Variants in FZD3 observed in about 807,000 individuals in gnomAD.
FZD3 encodes the protein frizzled-3.
In FZD3, 30 loss-of-function variants were observed where a neutral mutation model predicts 60.7. That is an observed-to-expected ratio of 0.49 (90% CI 0.37 to 0.67). The LOEUF is 0.67. Ranked by LOEUF, FZD3 falls within the 30% of genes least tolerant of loss-of-function variation. FZD3 has a pLI of 0.00. For missense variants in FZD3, 605 were observed against 838.7 expected (o/e 0.72, Z 3.44); for synonymous variants, 246 against 275.2 (o/e 0.89, Z 1.05).
chr8:28,550,961 C>T (rs2130456236), intron 5 of FZD3, among the ~76,000 whole-genome samples: 1 of 152,130 alleles, frequency 6.6e-6, no homozygotes, highest in East Asian at 1.9e-4. Context: ...ATCTTATTTT[C>T]ACATTACTCT....
intron 3 of FZD3, among the ~76,000 whole-genome samples, chr8:28,515,253 G>C (rs1319883342): frequency 1.3e-5 from 2 of 152,128 alleles, no homozygotes; most frequent in African/African-American, 2.4e-5. Context: ...GAATCCATAC[G>C]GGTCTGCAGC....
At chr8:28,540,936 C>A in intron 5 of FZD3, among the ~76,000 whole-genome samples, 1 of 151,960 alleles carries the variant, frequency 6.6e-6, no homozygotes, top group African/African-American at 2.4e-5. Flanking sequence ...ACAGAGTGAG[C>A]CCCTTTCAAT....
rs60608040 is a variant in FZD3, at chr8:28,502,090, C to G, written c.-344-580C>G. Among the ~76,000 whole-genome samples, 496 of 152,136 alleles carry G rather than the reference C, an allele frequency of 3.3e-3. 1 individual carries two copies. The highest frequency in any genetic ancestry group is 0.01 in the Middle Eastern group (3 of 294). On this transcript the variant is annotated intron_variant, in intron 2 of 7. Coordinates refer to ENST00000240093, the MANE Select transcript of FZD3 (RefSeq NM_017412.4). ...GATTCACTCATATCATCCCTGTGAG[C>G]TAGGTGGTATTGGAATCATTTTCAA...
In FZD3 at chr8:28,573,064, A is replaced by G. The variant is rs796826723; in HGVS notation, c.*10053A>G. 2.0e-5 allele frequency: 3 copies of G among 152,252 alleles called. No individual in the cohort carries two copies. Among genetic ancestry groups the G allele is most frequent in the South Asian group, 4.2e-4 (2 of 4,818 alleles). The allele number at this position is 152,252 out of a possible 1,614,324, so 9.4% of individuals were successfully genotyped here. ...GGAGAAAGGTTACTTTGATCTCTCAATAATTGCTTGGTACACTTCTTCCTA... is the reference window on the plus strand; with the variant it reads ...GGAGAAAGGTTACTTTGATCTCTCAGTAATTGCTTGGTACACTTCTTCCTA... On this transcript the variant is annotated 3_prime_UTR_variant, in exon 8 of 8. Transcript: ENST00000240093.
At chr8:28,522,106 T>C (rs942516157) in intron 4 of FZD3, among the ~76,000 whole-genome samples, 3 of 147,714 alleles carry the variant, frequency 2.0e-5, no homozygotes, top group Non-Finnish European at 4.5e-5. Context: ...TCTCTTCTCT[T>C]TTTTTTTTTT....
intron 3 of FZD3, 78 bp downstream of exon 3, chr8:28,503,280 T>A: frequency 1.3e-6 from 1 of 757,038 alleles, no homozygotes; most frequent in South Asian, 2.1e-5. Context: ...AATGAATGTG[T>A]TTGATAAACA....
chr8:28,523,822 G>A (rs1196160805), intron 4 of FZD3, among the ~76,000 whole-genome samples: 2 of 152,140 alleles, frequency 1.3e-5, no homozygotes, highest in African/African-American at 4.8e-5. Context: ...GTGCAGCAGT[G>A]TTGAGAGGTG....
At chr8:28,543,089 A>T (rs1001558674) in intron 5 of FZD3, among the ~76,000 whole-genome samples, 1 of 152,156 alleles carries the variant, frequency 6.6e-6, no homozygotes, top group Non-Finnish European at 1.5e-5. Flanking sequence ...AAGTGATTTG[A>T]CTTATGTCAC....
At chr8:28,557,375 C>G (rs561145596) in intron 7 of FZD3, among the ~76,000 whole-genome samples, 3 of 151,862 alleles carry the variant, frequency 2.0e-5, no homozygotes, top group Non-Finnish European at 2.9e-5. Flanking sequence ...TGACAGGATT[C>G]TGTGTTCACT....
intron 3 of FZD3, among the ~76,000 whole-genome samples, chr8:28,514,966 T>C (rs913655211): frequency 1.6e-4 from 24 of 152,196 alleles, no homozygotes; most frequent in African/African-American, 5.1e-4. Context: ...GTACAACAAA[T>C]TTGTTAAATG....
intron 3 of FZD3, among the ~76,000 whole-genome samples, chr8:28,515,417 A>C (rs187353790): frequency 3.9e-5 from 6 of 152,340 alleles, no homozygotes; most frequent in Non-Finnish European, 7.3e-5. Flanking sequence ...AAGAAGGCCA[A>C]GCGGGTGACT....
chr8:28,536,825 A>C (rs1805028018), intron 5 of FZD3, among the ~76,000 whole-genome samples: 1 of 152,220 alleles, frequency 6.6e-6, no homozygotes, highest in Admixed American at 6.5e-5. Context: ...CAAAAATAGC[A>C]GAATAACATT....
At chr8:28,517,345 T>C (rs746969444) in intron 3 of FZD3, among the ~76,000 whole-genome samples, 2 of 152,234 alleles carry the variant, frequency 1.3e-5, no homozygotes, top group African/African-American at 4.8e-5. Flanking sequence ...TTTTTTCCAC[T>C]GACTGCCCTT....
At chr8:28,505,179 C>T (rs1296261690) in intron 3 of FZD3, 1 of 154,708 alleles carries the variant, frequency 6.5e-6, no homozygotes, top group Admixed American at 6.5e-5. Context: ...CTCTCCACCT[C>T]CATCCCTCTA....
intron 7 of FZD3, among the ~76,000 whole-genome samples, chr8:28,561,903 T>G (rs982874428): frequency 3.3e-5 from 5 of 152,170 alleles, no homozygotes; most frequent in African/African-American, 9.7e-5. Flanking sequence ...AAAGTCATAA[T>G]TGATTTTCCT....
intron 5 of FZD3, among the ~76,000 whole-genome samples, chr8:28,530,082 AAT>A (rs1804823134): frequency 7.4e-6 from 1 of 134,530 alleles, no homozygotes; most frequent in Non-Finnish European, 1.6e-5. Context: ...GCTACACTGA[AAT>A]ATATCTGTGT....
chr8:28,512,647 C>T (rs1413565763), intron 3 of FZD3, among the ~76,000 whole-genome samples: 2 of 151,808 alleles, frequency 1.3e-5, no homozygotes, highest in African/African-American at 4.8e-5. Context: ...GGTGCAGGGT[C>T]TAAGATTTAG....
intron 6 of FZD3, among the ~76,000 whole-genome samples, chr8:28,552,958 G>A (rs1288733414): frequency 6.6e-6 from 1 of 152,156 alleles, no homozygotes; most frequent in Non-Finnish European, 1.5e-5. Flanking sequence ...TGATGTATTA[G>A]GTACTGTAAG....
At chr8:28,552,001 TC>T (rs1805420256) in intron 6 of FZD3, among the ~76,000 whole-genome samples, 1 of 152,200 alleles carries the variant, frequency 6.6e-6, no homozygotes, top group African/African-American at 2.4e-5. Flanking sequence ...TTGAAGGAAG[TC>T]CAATCTTTGT....
Sources: allele counts gnomAD v4.1 joint callset (sites outside exome capture counted in the v4.1 genomes callset), GRCh38; gene constraint gnomAD v4.1.1; transcripts MANE v1.5; gene names NCBI Gene and HGNC (gene_info 2026-07-23, HGNC 2026-07-21).